Variants in UGT1A8 observed in about 807,000 individuals in gnomAD.
UGT1A8 encodes UDP glucuronosyltransferase family 1 member A8, also known as UDP-glucuronosyltransferase 1A8.
Under a neutral mutation model 45.3 loss-of-function variants are expected in UGT1A8, and 39 were observed. The observed-to-expected ratio is 0.86, with a 90% CI of 0.67 to 1.12. The LOEUF (loss-of-function observed/expected upper bound fraction) is 1.12, where lower values mean the gene tolerates loss of function less well. UGT1A8 is among the 50% of genes most tolerant of loss of function. The pLI, the probability that UGT1A8 is intolerant of heterozygous loss-of-function variation, is 0.00. For synonymous variants in UGT1A8, 275 were observed against 249.2 expected (o/e 1.10, Z -0.97); for missense variants, 719 against 664.9 (o/e 1.08, Z -0.90).
At chr2:233,767,675 C>G (rs1273555402) in intron 2 of UGT1A8, among the ~76,000 whole-genome samples, 174 bp from the exon 3 acceptor site, 1 of 152,180 alleles carries the variant, frequency 6.6e-6, no homozygotes, top group Non-Finnish European at 1.5e-5. Context: ...ACTAAACCTC[C>G]AAAACAAGAT....
At chr2:233,648,115 G>A in intron 1 of UGT1A8, 1 of 1,429,198 alleles carries the variant, frequency 7.0e-7, no homozygotes, top group Non-Finnish European at 9.4e-7. Context: ...CATGGCTTTT[G>A]CCAATGCTCA....
At chr2:233,757,267 A>G (rs1696460945) in intron 1 of UGT1A8, among the ~76,000 whole-genome samples, 1 of 121,202 alleles carries the variant, frequency 8.3e-6, no homozygotes, top group Admixed American at 1.0e-4. Flanking sequence ...GTGGCAGCCG[A>G]TGCAATGATT....
intron 1 of UGT1A8, among the ~76,000 whole-genome samples, chr2:233,654,071 T>C (rs2073799662): frequency 1.3e-5 from 2 of 152,226 alleles, no homozygotes. Context: ...TCCATAAGTC[T>C]ATACACAGTC....
At chr2:233,622,931 G>T (rs1350234941) in intron 1 of UGT1A8, among the ~76,000 whole-genome samples, 1 of 152,126 alleles carries the variant, frequency 6.6e-6, no homozygotes, top group African/African-American at 2.4e-5. Flanking sequence ...TCCAGTTTCA[G>T]CTTTCTACAT....
chr2:233,734,975 A>G (rs1254918242), intron 1 of UGT1A8, among the ~76,000 whole-genome samples: 1 of 152,228 alleles, frequency 6.6e-6, no homozygotes, highest in Non-Finnish European at 1.5e-5. Context: ...TGGTGCTGAG[A>G]AGAATGTATA....
chr2:233,760,883 C>G lies in UGT1A8; in HGVS notation c.856-6151C>G, dbSNP rs550460320. On this transcript the variant is annotated intron_variant, in intron 1 of 4. Coordinates refer to ENST00000373450, the MANE Select transcript of UGT1A8 (RefSeq NM_019076.5). ...TCCTACGTGCCCAGGCCTCTCTCCT[C>G]TCATTCAGATCACATGACCTTCCTG... 4 of 1,614,168 alleles carry G rather than the reference C, an allele frequency of 2.5e-6. No individual in the cohort carries two copies. The East Asian group carries it at 6.7e-5, about 27-fold the overall frequency.
At chr2:233,755,804 T>G (rs1335569789) in intron 1 of UGT1A8, 3 of 152,158 alleles carry the variant, frequency 2.0e-5, no homozygotes, top group African/African-American at 7.2e-5. Context: ...CATTAGAGAT[T>G]AAAACAGAAT....
intron 1 of UGT1A8, among the ~76,000 whole-genome samples, chr2:233,707,115 T>A (rs2075942162): frequency 6.6e-6 from 1 of 152,098 alleles, no homozygotes; most frequent in Non-Finnish European, 1.5e-5. Flanking sequence ...CCCAAAATAC[T>A]CTGCATTAGG....
intron 1 of UGT1A8, chr2:233,713,284 A>T: frequency 6.2e-7 from 1 of 1,614,270 alleles, no homozygotes; most frequent in Non-Finnish European, 8.5e-7. Context: ...GGTCACACTC[A>T]ATCGTTCTTT....
chr2:233,746,554 C>T (rs567530423), intron 1 of UGT1A8, among the ~76,000 whole-genome samples: 1 of 151,860 alleles, frequency 6.6e-6, no homozygotes, highest in South Asian at 2.1e-4. Flanking sequence ...ACTTCTTAGC[C>T]CCTAGAGCAC....
chr2:233,694,576 A>G (rs953285020), intron 1 of UGT1A8, among the ~76,000 whole-genome samples: 9 of 152,212 alleles, frequency 5.9e-5, no homozygotes, highest in Admixed American at 3.9e-4. Flanking sequence ...ATTTCAATGT[A>G]AATATTTACA....
intron 1 of UGT1A8, among the ~76,000 whole-genome samples, chr2:233,684,398 C>T (rs536984968): frequency 6.6e-6 from 1 of 152,230 alleles, no homozygotes; most frequent in Non-Finnish European, 1.5e-5. Context: ...CCAGCCATCA[C>T]TCAGGTATTG....
At chr2:233,754,415 G>A (rs1208600112) in intron 1 of UGT1A8, 1 of 341,654 alleles carries the variant, frequency 2.9e-6, no homozygotes, top group Non-Finnish European at 5.7e-6. Context: ...CAACAATAAA[G>A]ACAGGCATTG....
chr2:233,669,695 T>C (rs1225365093), intron 1 of UGT1A8, among the ~76,000 whole-genome samples: 1 of 152,190 alleles, frequency 6.6e-6, no homozygotes, highest in African/African-American at 2.4e-5. Context: ...TTTTGTTTTT[T>C]ATTTTTGAGA....
intron 1 of UGT1A8, among the ~76,000 whole-genome samples, chr2:233,686,402 T>G (rs1430528761): frequency 6.6e-6 from 1 of 152,140 alleles, no homozygotes; most frequent in African/African-American, 2.4e-5. Flanking sequence ...GGCGCCCTTA[T>G]TAAGGTGTGC....
At chr2:233,713,379 G>A in intron 1 of UGT1A8, 1 of 1,614,156 alleles carries the variant, frequency 6.2e-7, no homozygotes, top group Non-Finnish European at 8.5e-7. Flanking sequence ...GTCTTGTGTG[G>A]AGCTACTGCA....
intron 1 of UGT1A8, among the ~76,000 whole-genome samples, chr2:233,686,413 A>C (rs895224661): frequency 6.6e-6 from 1 of 152,186 alleles, no homozygotes; most frequent in Non-Finnish European, 1.5e-5. Flanking sequence ...TAAGGTGTGC[A>C]GATAAACACA....
intron 1 of UGT1A8, among the ~76,000 whole-genome samples, chr2:233,764,487 A>G (rs115581914): frequency 4.6e-5 from 7 of 152,316 alleles, no homozygotes; most frequent in African/African-American, 1.4e-4. Context: ...TCGAATGTTT[A>G]TGGACCTGTG....
intron 1 of UGT1A8, chr2:233,708,309 A>G (rs571309769): frequency 2.0e-5 from 3 of 152,348 alleles, no homozygotes; most frequent in Non-Finnish European, 4.4e-5. Context: ...TGACAATCCA[A>G]TAGGTAAAAA....
Sources: allele counts gnomAD v4.1 joint callset (sites outside exome capture counted in the v4.1 genomes callset), GRCh38; gene constraint gnomAD v4.1.1; transcripts MANE v1.5; gene names NCBI Gene and HGNC (gene_info 2026-07-23, HGNC 2026-07-21).